Variants in GRIK2 observed in about 807,000 individuals in gnomAD.
GRIK2 encodes glutamate receptor ionotropic, kainate 2.
Under a neutral mutation model 100.3 loss-of-function variants are expected in GRIK2, and 32 were observed. The observed-to-expected ratio is 0.32, with a 90% CI of 0.24 to 0.43. GRIK2 has a LOEUF of 0.43. Ranked by LOEUF, GRIK2 falls within the 20% of genes least tolerant of loss-of-function variation. The probability of loss-of-function intolerance (pLI) is 1.00; values close to 1 mark genes in which losing one functional copy is unlikely to be tolerated. For missense variants in GRIK2, 843 were observed against 1,114.9 expected (o/e 0.76, Z 3.47); for synonymous variants, 417 against 389.4 (o/e 1.07, Z -0.83).
At chr6:101,489,832 TAGC>T (rs1283248549) in intron 2 of GRIK2, among the ~76,000 whole-genome samples, 1 of 146,784 alleles carries the variant, frequency 6.8e-6, no homozygotes, top group African/African-American at 2.6e-5. Flanking sequence ...AATATTTTCT[TAGC>T]AGCCTGAAAT....
chr6:101,427,301 A>G (rs1403466118), intron 2 of GRIK2, among the ~76,000 whole-genome samples: 1 of 152,220 alleles, frequency 6.6e-6, no homozygotes, highest in East Asian at 1.9e-4. Flanking sequence ...AACCTTTATA[A>G]AGTGCCATCC....
At chr6:101,719,168 T>G (rs1323086154) in intron 7 of GRIK2, among the ~76,000 whole-genome samples, 7 of 55,392 alleles carry the variant, frequency 1.3e-4, no homozygotes, top group African/African-American at 2.0e-4. Context: ...TTTTTTTTTT[T>G]TTTTTTTTGA....
At chr6:101,703,829 A>T (rs576964259) in intron 7 of GRIK2, among the ~76,000 whole-genome samples, 1 of 151,180 alleles carries the variant, frequency 6.6e-6, no homozygotes, top group South Asian at 2.1e-4. Context: ...TGTTTATTGC[A>T]TTATAAAAAA....
chr6:102,006,799 C>A (rs1329390834), intron 14 of GRIK2, among the ~76,000 whole-genome samples: 3 of 151,756 alleles, frequency 2.0e-5, no homozygotes, highest in African/African-American at 7.3e-5. Flanking sequence ...TTTGCAAGTT[C>A]TAATATAATA....
chr6:101,984,365 T>G (rs987628985), intron 14 of GRIK2, among the ~76,000 whole-genome samples: 6 of 151,530 alleles, frequency 4.0e-5, no homozygotes, highest in Admixed American at 1.3e-4. Context: ...CTTAACTACC[T>G]TGCTTGGGTA....
At chr6:102,053,303 TATATC>T (rs1193627739) in intron 15 of GRIK2, among the ~76,000 whole-genome samples, 13 of 152,244 alleles carry the variant, frequency 8.5e-5, no homozygotes, top group Admixed American at 7.9e-4. Flanking sequence ...GCAGGGAAAA[TATATC>T]ATTATCAGAA....
chr6:101,961,173 G>A (rs1235584294), intron 14 of GRIK2, among the ~76,000 whole-genome samples: 2 of 152,110 alleles, frequency 1.3e-5, no homozygotes, highest in African/African-American at 4.8e-5. Context: ...GATAGACATT[G>A]TAGTTCATCT....
intron 7 of GRIK2, among the ~76,000 whole-genome samples, chr6:101,742,479 T>C (rs1263639506): frequency 6.6e-6 from 1 of 152,106 alleles, no homozygotes; most frequent in Non-Finnish European, 1.5e-5. Context: ...ACACAGCCCT[T>C]AAGAGGTCCT....
chr6:101,903,523 G>A (rs9404157), intron 12 of GRIK2, among the ~76,000 whole-genome samples: 47,024 of 151,484 alleles, frequency 0.31, 9,152 homozygotes, highest in East Asian at 0.59. Flanking sequence ...CGTAAACAAC[G>A]TATGAATAGT....
chr6:101,854,727 G>A (rs907526610), intron 10 of GRIK2, among the ~76,000 whole-genome samples: 1 of 152,032 alleles, frequency 6.6e-6, no homozygotes, highest in Admixed American at 6.6e-5. Context: ...AGTTATAGAA[G>A]TAACTAATTT....
intron 12 of GRIK2, among the ~76,000 whole-genome samples, chr6:101,894,233 A>G (rs960918346): frequency 6.6e-6 from 1 of 151,808 alleles, no homozygotes; most frequent in African/African-American, 2.4e-5. Flanking sequence ...AAAATATCTA[A>G]GAATACTTAA....
intron 9 of GRIK2, among the ~76,000 whole-genome samples, chr6:101,815,439 T>C (rs921446703): frequency 6.6e-6 from 1 of 152,162 alleles, no homozygotes; most frequent in African/African-American, 2.4e-5. Flanking sequence ...TTGTATCTAA[T>C]TGAATCCTTA....
chr6:101,410,471 G>A (rs1775838838), intron 2 of GRIK2, among the ~76,000 whole-genome samples: 1 of 151,866 alleles, frequency 6.6e-6, no homozygotes, highest in South Asian at 2.1e-4. Context: ...ACCACCCCTA[G>A]ACCACTAACC....
intron 11 of GRIK2, among the ~76,000 whole-genome samples, chr6:101,883,394 T>C (rs1244395272): frequency 6.6e-6 from 1 of 151,820 alleles, no homozygotes; most frequent in Non-Finnish European, 1.5e-5. Flanking sequence ...AAAAAATAGT[T>C]GTTTAGTGAC....
chr6:101,438,201 T>C (rs1176554277), intron 2 of GRIK2, among the ~76,000 whole-genome samples: 1 of 152,098 alleles, frequency 6.6e-6, no homozygotes, highest in African/African-American at 2.4e-5. Context: ...AAGTAAGTGA[T>C]TAGGGAAGAT....
At chr6:101,780,360 G>A (rs998962203) in intron 7 of GRIK2, among the ~76,000 whole-genome samples, 5 of 152,064 alleles carry the variant, frequency 3.3e-5, no homozygotes, top group East Asian at 1.9e-4. Flanking sequence ...GATTCTAAGG[G>A]TTAGGATTTG....
chr6:101,715,363 G>A (rs1416268674), intron 7 of GRIK2, among the ~76,000 whole-genome samples: 1 of 151,744 alleles, frequency 6.6e-6, no homozygotes, highest in Non-Finnish European at 1.5e-5. Context: ...ACTGAAGCAA[G>A]TCAAAGAGGA....
At chr6:101,433,843 A>G (rs1456138655) in intron 2 of GRIK2, among the ~76,000 whole-genome samples, 1 of 152,186 alleles carries the variant, frequency 6.6e-6, no homozygotes, top group East Asian at 1.9e-4. Context: ...CAGTCACCCA[A>G]TTAATGATCA....
At chr6:101,474,196 G>T (rs942150644) in intron 2 of GRIK2, among the ~76,000 whole-genome samples, 2 of 151,784 alleles carry the variant, frequency 1.3e-5, no homozygotes, top group African/African-American at 4.8e-5. Flanking sequence ...TGCTAAATCA[G>T]GTGTTACTAT....
Sources: gnomAD v4.1 joint callset for allele counts (sites outside exome capture counted in the v4.1 genomes callset) on GRCh38, gnomAD v4.1.1 for gene constraint, MANE v1.5 for transcripts, NCBI Gene and HGNC (gene_info 2026-07-23, HGNC 2026-07-21) for gene names.